DOK6: variants seen among roughly 807,000 people sequenced by gnomAD.
DOK6 encodes docking protein 6.
Under a neutral mutation model 44.0 loss-of-function variants are expected in DOK6, and 22 were observed. That is an observed-to-expected ratio of 0.50 (90% CI 0.36 to 0.71). DOK6 has a LOEUF of 0.71. Among genes scored for constraint, DOK6 ranks in the 30% least tolerant of loss-of-function variants. The pLI is 0.00. For synonymous variants in DOK6, 166 were observed against 145.5 expected, an observed-to-expected ratio of 1.14 and a Z score of -1.01; for missense variants, 340 against 416.4, an observed-to-expected ratio of 0.82 and a Z score of 1.60.
At chr18:69,576,058 C>A (rs1203692285) in intron 2 of DOK6, among the ~76,000 whole-genome samples, 1 of 152,112 alleles carries the variant, frequency 6.6e-6, no homozygotes, top group African/African-American at 2.4e-5. Flanking sequence ...GAATCATTAA[C>A]CCTTTTTCTT....
chr18:69,461,156 A>G (rs761192950), intron 1 of DOK6, among the ~76,000 whole-genome samples: 2 of 152,222 alleles, frequency 1.3e-5, no homozygotes, highest in Non-Finnish European at 2.9e-5. Flanking sequence ...TCTGATGAAC[A>G]CATATACTTC....
In DOK6 at chr18:69,527,835, C is replaced by G. The variant is rs151236652; in HGVS notation, c.67-36652C>G. Among the ~76,000 whole-genome samples the G allele has an allele frequency of 2.9e-3, 447 of 152,050 alleles. 6 individuals are homozygous for G. The highest frequency in any genetic ancestry group is 0.01 in the African/African-American group (418 of 41,460). On this transcript the variant is annotated intron_variant, in intron 1 of 7. Coordinates refer to ENST00000382713, the MANE Select transcript of DOK6 (RefSeq NM_152721.6). Reference sequence around the variant, plus strand: ...CAGTCACTGTTGGTGAACTTTAAACCTAGTTATAATCATAAAGGTTACTTC... The same window carrying G: ...CAGTCACTGTTGGTGAACTTTAAACGTAGTTATAATCATAAAGGTTACTTC...
At chr18:69,563,230 G>C (rs963677862) in intron 1 of DOK6, among the ~76,000 whole-genome samples, 2 of 152,194 alleles carry the variant, frequency 1.3e-5, no homozygotes, top group Non-Finnish European at 2.9e-5. Context: ...AACCATTGTG[G>C]AAGTCAGTGT....
At chr18:69,659,069 T>C (rs1985442243) in intron 3 of DOK6, among the ~76,000 whole-genome samples, 1 of 152,208 alleles carries the variant, frequency 6.6e-6, no homozygotes, top group Non-Finnish European at 1.5e-5. Flanking sequence ...TGAAATCAAA[T>C]AGTAGAACAA....
intron 3 of DOK6, among the ~76,000 whole-genome samples, chr18:69,667,404 C>A (rs1985687743): frequency 6.6e-6 from 1 of 152,182 alleles, no homozygotes. Context: ...CTTTCTCTTG[C>A]ACCTATTCAA....
intron 1 of DOK6, among the ~76,000 whole-genome samples, chr18:69,443,702 A>G (rs937021644): frequency 1.3e-5 from 2 of 152,078 alleles, no homozygotes; most frequent in East Asian, 1.9e-4. Flanking sequence ...TATCCCTTGT[A>G]CTAAATGCTC....
intron 7 of DOK6, among the ~76,000 whole-genome samples, chr18:69,818,639 C>T (rs1599342340): frequency 6.6e-6 from 1 of 152,298 alleles, no homozygotes. Context: ...TACAAAATAC[C>T]TTCAGAACAA....
intron 3 of DOK6, among the ~76,000 whole-genome samples, chr18:69,632,313 T>C (rs1054311916): frequency 6.6e-6 from 1 of 151,486 alleles, no homozygotes. Context: ...TGAAGAACAG[T>C]TTCATGCATT....
intron 1 of DOK6, among the ~76,000 whole-genome samples, chr18:69,406,247 A>G (rs957555973): frequency 6.6e-6 from 1 of 152,232 alleles, no homozygotes; most frequent in South Asian, 2.1e-4. Flanking sequence ...ATTATCTTCA[A>G]CTGCATGTTC....
chr18:69,576,454 T>A (rs1230854760), intron 2 of DOK6, among the ~76,000 whole-genome samples: 1 of 151,986 alleles, frequency 6.6e-6, no homozygotes, highest in East Asian at 1.9e-4. Context: ...GCAACCTAAA[T>A]GAGAGATTTC....
chr18:69,505,566 C>A (rs993309664), intron 1 of DOK6, among the ~76,000 whole-genome samples: 1 of 136,152 alleles, frequency 7.3e-6, no homozygotes, highest in African/African-American at 2.8e-5. Context: ...GGTGTAATCT[C>A]GGCTCACTGC....
At chr18:69,420,599 G>A (rs574347777) in intron 1 of DOK6, among the ~76,000 whole-genome samples, 4 of 152,020 alleles carry the variant, frequency 2.6e-5, no homozygotes, top group East Asian at 1.9e-4. Context: ...CCATTAACTC[G>A]TCATTTACAT....
chr18:69,673,740 T>C (rs1016180719), intron 3 of DOK6, among the ~76,000 whole-genome samples: 16 of 152,388 alleles, frequency 1.0e-4, no homozygotes, highest in Admixed American at 3.9e-4. Context: ...ATTATTTGTG[T>C]TTCTAGTCCA....
At chr18:69,625,078 T>C (rs1291008394) in intron 3 of DOK6, among the ~76,000 whole-genome samples, 2 of 152,112 alleles carry the variant, frequency 1.3e-5, no homozygotes, top group Non-Finnish European at 2.9e-5. Flanking sequence ...TGAAAACTAG[T>C]TCTCTTACTG....
At chr18:69,553,851 C>G (rs1982624297) in intron 1 of DOK6, among the ~76,000 whole-genome samples, 1 of 152,292 alleles carries the variant, frequency 6.6e-6, no homozygotes, top group South Asian at 2.1e-4. Flanking sequence ...ATGCCTGCAT[C>G]TTAACCAAAA....
Position 69,658,245 on chromosome 18 carries a change from G to T in DOK6, c.290-19489G>T, listed in dbSNP as rs79686317. On this transcript the variant is annotated intron_variant, in intron 3 of 7. Transcript: ENST00000382713. Reference sequence around the variant, plus strand: ...GGGAATACAAGCGTTAAGCCACCACGCCCAGCCTGGGTTAAGAGCATAGAC... The same window carrying T: ...GGGAATACAAGCGTTAAGCCACCACTCCCAGCCTGGGTTAAGAGCATAGAC... 2.0e-3 allele frequency among the ~76,000 whole-genome samples: 297 copies of T among 152,216 alleles called. 1 individual carries two copies. Among genetic ancestry groups the T allele is most frequent in the Admixed American group, 3.5e-3 (53 of 15,288 alleles).
intron 7 of DOK6, among the ~76,000 whole-genome samples, chr18:69,809,539 G>GGAAA (rs1461082309): frequency 2.8e-5 from 4 of 145,194 alleles, no homozygotes; most frequent in Non-Finnish European, 6.0e-5. Context: ...CTTATATATA[G>GGAAA]AAAACCCTAA....
chr18:69,468,262 A>G (rs982802342), intron 1 of DOK6, among the ~76,000 whole-genome samples: 4 of 152,230 alleles, frequency 2.6e-5, no homozygotes, highest in African/African-American at 9.6e-5. Context: ...TTTAACAAAT[A>G]GAAACATGTC....
rs537964686 is a variant in DOK6, at chr18:69,617,632, G to A, written c.289+18134G>A. Among the ~76,000 whole-genome samples, 575 of 146,844 alleles carry A rather than the reference G, an allele frequency of 3.9e-3. 3 individuals carry two copies. The highest frequency in any genetic ancestry group is 5.3e-3 in the Non-Finnish European group (351 of 66,334). On this transcript the variant is annotated intron_variant, in intron 3 of 7. Coordinates refer to ENST00000382713, the MANE Select transcript of DOK6 (RefSeq NM_152721.6). ...TAGGAGAAAAGAAAGAAAGAGGGAG[G>A]GAGGAAGGAAGGAAGGAGGGGAAAA...
Sources: allele counts gnomAD v4.1 joint callset (sites outside exome capture counted in the v4.1 genomes callset), GRCh38; gene constraint gnomAD v4.1.1; transcripts MANE v1.5; gene names NCBI Gene and HGNC (gene_info 2026-07-23, HGNC 2026-07-21).